GRXCR2: variants seen among roughly 807,000 people sequenced by gnomAD.
The protein encoded by GRXCR2 is glutaredoxin domain-containing cysteine-rich protein 2.
In GRXCR2, 23 loss-of-function variants were observed where a neutral mutation model predicts 24.8. The observed-to-expected ratio is 0.93, with a 90% confidence interval of 0.67 to 1.32. The LOEUF (loss-of-function observed/expected upper bound fraction) is 1.32. Among genes scored for constraint, GRXCR2 ranks in the 40% most tolerant of loss-of-function variants. The probability of loss-of-function intolerance (pLI) is 0.00; values close to 1 mark genes in which losing one functional copy is unlikely to be tolerated. For synonymous variants in GRXCR2, 130 were observed against 116.1 expected (o/e 1.12, Z -0.77); for missense variants, 315 against 303.4 (o/e 1.04, Z -0.28).
rs190407945 is a variant in GRXCR2 at position 145,860,466 on chromosome 5, G to C, written c.565-551C>G. On this transcript the variant is annotated intron_variant, in intron 2 of 2. Transcript: ENST00000377976. ...GGAAGAGGTGGGCTCTCATCTCAGCGATTTGAGCACCAGAATTCATGCTCC... is the reference window on the plus strand; with the variant it reads ...GGAAGAGGTGGGCTCTCATCTCAGCCATTTGAGCACCAGAATTCATGCTCC... Among the ~76,000 whole-genome samples, 256 of 152,308 alleles carry C rather than the reference G, an allele frequency of 1.7e-3. 1 individual carries two copies. The highest frequency in any genetic ancestry group is 6.1e-3 in the African/African-American group (254 of 41,566).
intron 1 of GRXCR2, 104 bp from the exon 2 acceptor site, chr5:145,866,832 A>G: frequency 1.4e-6 from 1 of 702,072 alleles, no homozygotes; most frequent in South Asian, 1.8e-5. Flanking sequence ...AGGAACTTCT[A>G]CCACCCAGCA....
chr5:145,915,717 G>C (rs1163555203), intron 2 of GRXCR2, among the ~76,000 whole-genome samples: 1 of 150,924 alleles, frequency 6.6e-6, no homozygotes, highest in Non-Finnish European at 1.5e-5. Flanking sequence ...CTGGGTGACA[G>C]AGCAACACTT....
chr5:145,878,937 C>A (rs1756658809), intron 2 of GRXCR2, among the ~76,000 whole-genome samples: 1 of 152,100 alleles, frequency 6.6e-6, no homozygotes, highest in African/African-American at 2.4e-5. Context: ...TCATATCCAG[C>A]CAAACTAAGC....
At chr5:145,858,458 TG>T, downstream of GRXCR2, 1 of 152,066 alleles carries the variant, frequency 6.6e-6, no homozygotes, top group Non-Finnish European at 1.5e-5. Context: ...CAAAGAAAGC[TG>T]GTGAGCAATA....
chr5:145,922,014 C>T (rs967161182), intron 2 of GRXCR2, among the ~76,000 whole-genome samples: 1 of 152,096 alleles, frequency 6.6e-6, no homozygotes, highest in Non-Finnish European at 1.5e-5. Context: ...ATATAAACAG[C>T]CCCCAAATCT....
chr5:145,920,272 C>A (rs1413311323), intron 2 of GRXCR2, among the ~76,000 whole-genome samples: 2 of 152,138 alleles, frequency 1.3e-5, no homozygotes, highest in African/African-American at 2.4e-5. Flanking sequence ...GTCCTGGATC[C>A]ACATCAGCAT....
upstream of GRXCR2, among the ~76,000 whole-genome samples, chr5:145,876,216 T>TATAC (rs1420891903): frequency 1.7e-4 from 23 of 133,894 alleles, no homozygotes; most frequent in Middle Eastern, 3.9e-3. Flanking sequence ...TATATATATA[T>TATAC]ACACACACAC....
At chr5:145,899,567 A>C (rs11950983) in intron 2 of GRXCR2, among the ~76,000 whole-genome samples, 20,481 of 152,098 alleles carry the variant, frequency 0.13, 1,787 homozygotes, top group Admixed American at 0.23. Flanking sequence ...AGATACATAA[A>C]CCTATGGAAC....
chr5:145,927,981 G>A (rs917959932), intron 2 of GRXCR2, among the ~76,000 whole-genome samples: 27 of 152,002 alleles, frequency 1.8e-4, no homozygotes, highest in Non-Finnish European at 3.2e-4. Flanking sequence ...CAGAATGGGA[G>A]AAAATTTTTG....
intron 2 of GRXCR2, among the ~76,000 whole-genome samples, chr5:145,922,384 T>C (rs1167673945): frequency 6.6e-6 from 1 of 152,210 alleles, no homozygotes; most frequent in Non-Finnish European, 1.5e-5. Context: ...AAGTCTTCCC[T>C]CATGTCCAGT....
At chr5:145,872,014 A>G (rs750305462) in intron 1 of GRXCR2, among the ~76,000 whole-genome samples, 5 of 152,196 alleles carry the variant, frequency 3.3e-5, no homozygotes, top group African/African-American at 7.2e-5. Flanking sequence ...AAATTCATAG[A>G]TTAAACACAT....
rs115612122 is a variant in GRXCR2 at position 145,913,309 on chromosome 5, T to C, written c.-70+22392A>G. On this transcript the variant is annotated intron_variant, in intron 2 of 3. Coordinates refer to the GRXCR2 transcript ENST00000639411. ...GGTCTTCCAAATAGTTTTTCTATAT[T>C]TAAGGAAAGGCCTGCATCATCTAGG... is the stretch of plus-strand genomic sequence containing the variant. Among the ~76,000 whole-genome samples, 1,024 of 152,256 alleles carry C rather than the reference T, an allele frequency of 6.7e-3. 6 individuals carry two copies. The highest frequency in any genetic ancestry group is 0.011 in the Admixed American group (171 of 15,288).
intron 2 of GRXCR2, among the ~76,000 whole-genome samples, chr5:145,881,383 A>G (rs1205758446): frequency 3.9e-5 from 6 of 152,156 alleles, no homozygotes; most frequent in South Asian, 2.1e-4. Flanking sequence ...TTATACACCA[A>G]TAACAGACAG....
intron 2 of GRXCR2, among the ~76,000 whole-genome samples, chr5:145,865,725 C>T (rs923603124): frequency 6.6e-6 from 1 of 152,170 alleles, no homozygotes; most frequent in East Asian, 1.9e-4. Context: ...ACAAAGGATA[C>T]TCCTTAGTTT....
At chr5:145,874,142 C>T (rs1756575930), upstream of GRXCR2, among the ~76,000 whole-genome samples, 1 of 152,064 alleles carries the variant, frequency 6.6e-6, no homozygotes, top group African/African-American at 2.4e-5. Context: ...ACTGAGTTAC[C>T]CAAATTGACC....
chr5:145,905,173 C>A (rs539615719), intron 2 of GRXCR2, among the ~76,000 whole-genome samples: 2 of 152,164 alleles, frequency 1.3e-5, no homozygotes, highest in Admixed American at 1.3e-4. Flanking sequence ...ACCAAAATAC[C>A]CTTGACTGAT....
chr5:145,908,169 T>A (rs774240257), intron 2 of GRXCR2, among the ~76,000 whole-genome samples: 1 of 152,190 alleles, frequency 6.6e-6, no homozygotes, highest in Non-Finnish European at 1.5e-5. Flanking sequence ...TGCACTGTCC[T>A]CCAATCTCAG....
At position 145,895,999 on chromosome 5, in the gene GRXCR2, T is replaced by C. The variant is rs189782301; in HGVS notation, c.-69-29271A>G. 2.6e-4 allele frequency among the ~76,000 whole-genome samples: 40 copies of C among 152,284 alleles called. 1 individual carries two copies. The highest frequency in any genetic ancestry group is 9.1e-4 in the African/African-American group (38 of 41,540). On this transcript the variant is annotated intron_variant, in intron 2 of 3. Coordinates refer to the GRXCR2 transcript ENST00000639411. ...GTCGCATATCTACAACCATCTGATC[T>C]TTGACAAACCTGACAAAAACAAGAA...
intron 2 of GRXCR2, among the ~76,000 whole-genome samples, chr5:145,879,731 C>A (rs1030020296): frequency 1.3e-5 from 2 of 152,146 alleles, no homozygotes; most frequent in African/African-American, 4.8e-5. Flanking sequence ...CTCTCTACCC[C>A]AAATCAACAG....
Sources: gnomAD v4.1 joint callset for allele counts (sites outside exome capture counted in the v4.1 genomes callset) on GRCh38, gnomAD v4.1.1 for gene constraint, MANE v1.5 for transcripts, NCBI Gene and HGNC (gene_info 2026-07-23, HGNC 2026-07-21) for gene names.